Variants in LRP1B observed in about 807,000 individuals in gnomAD.
The protein encoded by LRP1B is LDL receptor related protein 1B.
Under a neutral mutation model 556.6 loss-of-function variants are expected in LRP1B, and 217 were observed. That is an observed-to-expected ratio of 0.39 (90% CI 0.35 to 0.44). The LOEUF (loss-of-function observed/expected upper bound fraction) is 0.44, where lower values mean the gene tolerates loss of function less well. Ranked by LOEUF, LRP1B falls within the 20% of genes least tolerant of loss-of-function variation. The pLI, the probability that LRP1B is intolerant of heterozygous loss-of-function variation, is 1.00. For synonymous variants in LRP1B, 2,047 were observed against 1,865.8 expected, an observed-to-expected ratio of 1.10 and a Z score of -2.50; for missense variants, 5,053 against 5,620.8, an observed-to-expected ratio of 0.90 and a Z score of 3.23.
At chr2:140,759,956 C>T (rs1183266721) in intron 35 of LRP1B, among the ~76,000 whole-genome samples, 1 of 152,068 alleles carries the variant, frequency 6.6e-6, no homozygotes, top group East Asian at 1.9e-4. Flanking sequence ...GCTGAAGAGT[C>T]CTTAAGTAAG....
At chr2:141,618,102 T>C (rs1688375723) in intron 2 of LRP1B, among the ~76,000 whole-genome samples, 1 of 152,170 alleles carries the variant, frequency 6.6e-6, no homozygotes, top group Admixed American at 6.5e-5. Flanking sequence ...CTTATGGGCA[T>C]GTATGTATTT....
At chr2:140,618,714 T>C (rs56037897) in intron 41 of LRP1B, among the ~76,000 whole-genome samples, 34,610 of 151,884 alleles carry the variant, frequency 0.23, 4,282 homozygotes, top group Admixed American at 0.3. Flanking sequence ...TCCTAGCTGA[T>C]GAGATTGAGG....
At chr2:141,115,719 T>A (rs1008563451) in intron 7 of LRP1B, among the ~76,000 whole-genome samples, 1 of 151,744 alleles carries the variant, frequency 6.6e-6, no homozygotes, top group Non-Finnish European at 1.5e-5. Flanking sequence ...CCTGACCTCA[T>A]GATCCGCCCC....
Position 141,049,342 on chromosome 2 carries a change from C to A in LRP1B, c.1553-120G>T, listed in dbSNP as rs768586159. ...TTTAAATTCAATGCTAAAAATTAAACTCTAAAATATGCCAAATGTATCTTG... is the reference window on the plus strand; with the variant it reads ...TTTAAATTCAATGCTAAAAATTAAAATCTAAAATATGCCAAATGTATCTTG... On this transcript the variant is annotated intron_variant, in intron 10 of 90. Transcript: ENST00000389484. 4.9e-5 allele frequency: 34 copies of A among 699,854 alleles called. 1 individual carries two copies. The highest frequency in any genetic ancestry group is 1.7e-4 in the Admixed American group (7 of 41,936). 43.4% of individuals were successfully genotyped at this position (699,854 alleles called of 1,614,324 possible). A position where few individuals can be genotyped will look rare whatever the true frequency, so the allele number is the denominator to read the frequency against.
At chr2:140,809,877 T>C (rs758378602) in intron 32 of LRP1B, among the ~76,000 whole-genome samples, 11 of 152,132 alleles carry the variant, frequency 7.2e-5, no homozygotes, top group Non-Finnish European at 1.3e-4. Context: ...TGGCTTTGCC[T>C]AAGGACAGTG....
intron 41 of LRP1B, among the ~76,000 whole-genome samples, chr2:140,671,136 A>G (rs756248599): frequency 6.6e-6 from 1 of 152,236 alleles, no homozygotes; most frequent in South Asian, 2.1e-4. Flanking sequence ...TTTTACAATT[A>G]TAAAGGTCAG....
At chr2:141,363,614 T>C (rs968899422) in intron 3 of LRP1B, among the ~76,000 whole-genome samples, 1 of 152,136 alleles carries the variant, frequency 6.6e-6, no homozygotes, top group Non-Finnish European at 1.5e-5. Context: ...ATTTAATATT[T>C]TATATTTAAT....
chr2:140,767,299 A>C (rs969186477), intron 35 of LRP1B, among the ~76,000 whole-genome samples: 4 of 152,062 alleles, frequency 2.6e-5, no homozygotes, highest in Non-Finnish European at 5.9e-5. Flanking sequence ...CTTTTCTGAA[A>C]ATAACTTTTT....
chr2:141,104,380 T>A (rs1700551414), intron 7 of LRP1B, among the ~76,000 whole-genome samples: 1 of 152,048 alleles, frequency 6.6e-6, no homozygotes, highest in African/African-American at 2.4e-5. Context: ...TAGAAAGACT[T>A]TGGAGTATGT....
intron 1 of LRP1B, among the ~76,000 whole-genome samples, chr2:142,044,574 A>G (rs1421429101): frequency 6.6e-6 from 1 of 151,792 alleles, no homozygotes; most frequent in Non-Finnish European, 1.5e-5. Context: ...ACTTTCAACT[A>G]TTTTATGTAA....
chr2:141,854,994 T>A (rs1698000931), intron 1 of LRP1B, among the ~76,000 whole-genome samples: 1 of 152,062 alleles, frequency 6.6e-6, no homozygotes. Context: ...GTAAGTAATA[T>A]AACAGATTAA....
At chr2:141,713,709 A>G (rs1692460663) in intron 2 of LRP1B, among the ~76,000 whole-genome samples, 2 of 152,214 alleles carry the variant, frequency 1.3e-5, no homozygotes, top group African/African-American at 4.8e-5. Context: ...GAGATGTCAT[A>G]ATATAAAAAC....
At chr2:141,424,324 G>C (rs925164373) in intron 3 of LRP1B, among the ~76,000 whole-genome samples, 3 of 152,034 alleles carry the variant, frequency 2.0e-5, no homozygotes, top group Non-Finnish European at 4.4e-5. Context: ...TGTTGGTCAG[G>C]CTGGTCTCAA....
intron 3 of LRP1B, among the ~76,000 whole-genome samples, chr2:141,449,472 A>T (rs1324873413): frequency 2.0e-5 from 3 of 152,114 alleles, no homozygotes; most frequent in African/African-American, 4.8e-5. Flanking sequence ...GATTTTTTAC[A>T]TTTTTTATAT....
intron 4 of LRP1B, among the ~76,000 whole-genome samples, chr2:141,252,835 T>C (rs1684313192): frequency 6.6e-6 from 1 of 152,130 alleles, no homozygotes; most frequent in Non-Finnish European, 1.5e-5. Flanking sequence ...AGCCTAATGA[T>C]GCTCAGACTT....
Position 142,130,659 on chromosome 2 carries a change from C to G in LRP1B, c.71G>C (p.Gly24Ala). The G allele has an allele frequency of 6.2e-7, 1 of 1,612,156 alleles. No homozygotes were observed. The highest frequency in any genetic ancestry group is 8.5e-7 in the Non-Finnish European group (1 of 1,178,812). The change falls in exon 1 of 91, where the codon GGA becomes GCA. Residue 24 changes from glycine (G) to alanine (A), a missense_variant. Coordinates refer to ENST00000389484, the MANE Select transcript of LRP1B (RefSeq NM_018557.3). ...LLPIARVLTVGADRDQQLCDP... is the reference protein window; with the variant it reads ...LLPIARVLTVAADRDQQLCDP... ...GGTGTTCTCCTTACCTCGGTCGGCT[C>G]CCACGGTCAGCACCCTGGCAATCGG...
chr2:140,766,859 T>TAATATATATATATA (rs35881662), intron 35 of LRP1B, among the ~76,000 whole-genome samples: 1,798 of 49,104 alleles, frequency 0.037, 24 homozygotes, highest in Middle Eastern at 0.08. Context: ...TATATATATA[T>TAATATATATATATA]ATATATAATA....
chr2:141,071,852 A>G (rs915529827), intron 7 of LRP1B, among the ~76,000 whole-genome samples: 1 of 152,212 alleles, frequency 6.6e-6, no homozygotes, highest in Non-Finnish European at 1.5e-5. Context: ...ATGAAATAAA[A>G]GAGTATACAA....
chr2:141,042,498 C>T (rs1159327113), intron 11 of LRP1B, among the ~76,000 whole-genome samples: 4 of 152,074 alleles, frequency 2.6e-5, no homozygotes, highest in African/African-American at 9.7e-5. Context: ...TGCCAGCATC[C>T]ATGAACGTGT....
Sources: gnomAD v4.1 joint callset for allele counts (sites outside exome capture counted in the v4.1 genomes callset) on GRCh38, gnomAD v4.1.1 for gene constraint, MANE v1.5 for transcripts, NCBI Gene and HGNC (gene_info 2026-07-23, HGNC 2026-07-21) for gene names.